Variants in GLI3 observed in about 807,000 individuals in gnomAD.
The protein encoded by GLI3 is transcription activator GLI3.
GLI3 carries 20 observed loss-of-function variants against 100.8 expected under a neutral mutation model. The observed-to-expected ratio is 0.20, with a 90% CI of 0.14 to 0.29. The LOEUF is 0.29. Ranked by LOEUF, GLI3 falls within the 10% of genes least tolerant of loss-of-function variation. The probability of loss-of-function intolerance (pLI) is 1.00; values close to 1 mark genes in which losing one functional copy is unlikely to be tolerated. For missense variants in GLI3, 2,040 were observed against 2,128.5 expected (o/e 0.96, Z 0.82); for synonymous variants, 938 against 860.5 (o/e 1.09, Z -1.58).
intron 3 of GLI3, among the ~76,000 whole-genome samples, chr7:42,119,909 C>T (rs773179050): frequency 7.9e-5 from 12 of 152,076 alleles, no homozygotes; most frequent in Non-Finnish European, 1.5e-5. Context: ...CTTGACAGCC[C>T]AAAACTCCCG....
intron 10 of GLI3, among the ~76,000 whole-genome samples, chr7:41,981,025 A>G (rs1029464733): frequency 2.6e-5 from 4 of 152,224 alleles, no homozygotes; most frequent in South Asian, 2.1e-4. Flanking sequence ...CGCTTCTCCA[A>G]TGAAGCAGCA....
chr7:42,178,896 G>C (rs1192204261), intron 2 of GLI3, among the ~76,000 whole-genome samples: 1 of 152,166 alleles, frequency 6.6e-6, no homozygotes, highest in Non-Finnish European at 1.5e-5. Context: ...AGACTTGACA[G>C]ACATGAGCGA....
intron 10 of GLI3, among the ~76,000 whole-genome samples, chr7:42,022,746 G>A (rs1323925619): frequency 1.3e-5 from 2 of 152,162 alleles, no homozygotes; most frequent in African/African-American, 4.8e-5. Flanking sequence ...GAAGCACTGG[G>A]AAGGGGGTAT....
At chr7:42,232,753 T>C (rs1466185398) in intron 1 of GLI3, among the ~76,000 whole-genome samples, 1 of 152,228 alleles carries the variant, frequency 6.6e-6, no homozygotes, top group Non-Finnish European at 1.5e-5. Flanking sequence ...CAACACAATA[T>C]TGCCTTTCAG....
In GLI3 at chr7:41,972,606, G is replaced by A. The variant is rs762200152; in HGVS notation, c.1834C>T (p.Pro612Ser). The change falls in exon 13 of 15, where the codon CCA becomes TCA. Residue 612 changes from proline (P) to serine (S), a missense_variant. By Grantham distance (74) the Pro-to-Ser change is moderately conservative. Around this residue, in one of 5 missense-constraint regions of GLI3, gnomAD observed 61 missense variants for 150.9 expected, o/e 0.40. Coordinates refer to ENST00000395925, the MANE Select transcript of GLI3 (RefSeq NM_000168.6). This position sits in a 1 kb window ranked among gnomAD's most constrained non-coding sequence, Gnocchi z 4.4. The stretch of plus-strand genomic sequence containing the variant: ...TCTGTGTAACGCTTAGTGCAGCCTG[G>A]GATTTTGCACACATATGGTTTCTGC... ...SNEKPYVCKI[P>S]GCTKRYTDPS... 6.2e-7 allele frequency: 1 copy of A among 1,605,816 alleles called. No homozygotes were observed. Among genetic ancestry groups the A allele is most frequent in the East Asian group, 2.2e-5 (1 of 44,874 alleles).
intron 1 of GLI3, 41 bp from the exon 2 acceptor site, chr7:42,223,336 G>GGA (rs1788524855): frequency 3.5e-6 from 3 of 845,442 alleles, no homozygotes; most frequent in Admixed American, 2.4e-5. Context: ...CAAAATGGTG[G>GGA]AAAAAAAAAA....
Position 42,008,906 on chromosome 7 carries a change from A to G in GLI3, c.1497+14562T>C, listed in dbSNP as rs114991539. 2.6e-3 allele frequency among the ~76,000 whole-genome samples: 398 copies of G among 152,282 alleles called. 2 individuals carry two copies. The highest frequency in any genetic ancestry group is 8.7e-3 in the African/African-American group (362 of 41,560). On this transcript the variant is annotated intron_variant, in intron 10 of 14. Coordinates refer to ENST00000395925, the MANE Select transcript of GLI3 (RefSeq NM_000168.6). ...GCTATTTCATGTTTTTTATTTTTCA[A>G]GATCTCTGAGGATCCTGATTCAGTC... is the stretch of plus-strand genomic sequence containing the variant.
In GLI3 at chr7:42,132,255, T is replaced by TGCCCGCCACCACGCCTGCCCGCCACC. The variant is rs1415967702; in HGVS notation, c.367+15970_367+15971insGGTGGCGGGCAGGCGTGGTGGCGGGC. On this transcript the variant is annotated intron_variant, in intron 3 of 14. Coordinates refer to ENST00000395925, the MANE Select transcript of GLI3 (RefSeq NM_000168.6). ...AGCTGGGACTACAGGCGCCCGCCAC[T>TGCCCGCCACCACGCCTGCCCGCCACC]ACGCCCGGCTAATTTTTTGTATTTT... is the stretch of plus-strand genomic sequence containing the variant. Among the ~76,000 whole-genome samples the TGCCCGCCACCACGCCTGCCCGCCACC allele has an allele frequency of 4.0e-3, 601 of 149,432 alleles. 7 individuals are homozygous for TGCCCGCCACCACGCCTGCCCGCCACC. The highest frequency in any genetic ancestry group is 0.014 in the African/African-American group (569 of 40,258).
intron 10 of GLI3, among the ~76,000 whole-genome samples, chr7:41,982,437 G>A (rs1240636335): frequency 6.6e-6 from 1 of 152,166 alleles, no homozygotes; most frequent in Non-Finnish European, 1.5e-5. Flanking sequence ...GCTGCATTGG[G>A]CCAGGCATGG....
At chr7:42,145,808 T>C (rs1786691165) in intron 3 of GLI3, among the ~76,000 whole-genome samples, 2 of 152,136 alleles carry the variant, frequency 1.3e-5, no homozygotes, top group South Asian at 4.1e-4. Flanking sequence ...TTAATACATT[T>C]GAGGCACTTA....
In GLI3 at chr7:41,966,993, G is replaced by T. The variant is rs1394171107; in HGVS notation, c.2432-352C>A. Among the ~76,000 whole-genome samples the T allele has an allele frequency of 2.0e-5, 3 of 152,216 alleles. No individual in the cohort carries two copies. Among genetic ancestry groups the T allele is most frequent in the Non-Finnish European group, 2.9e-5 (2 of 68,038 alleles). ...CCCAAGCGCTGTGCAAGGACAAAAAGAATCTTGTGATGGTACACAACGCTT... is the reference window on the plus strand; with the variant it reads ...CCCAAGCGCTGTGCAAGGACAAAAATAATCTTGTGATGGTACACAACGCTT... On this transcript the variant is annotated intron_variant, in intron 14 of 14. Coordinates refer to ENST00000395925, the MANE Select transcript of GLI3 (RefSeq NM_000168.6). The surrounding 1 kb of genome is among the most constrained non-coding windows in gnomAD (Gnocchi z 5.8).
At chr7:42,082,885 A>G (rs1360741093) in intron 3 of GLI3, among the ~76,000 whole-genome samples, 2 of 152,166 alleles carry the variant, frequency 1.3e-5, no homozygotes, top group Non-Finnish European at 2.9e-5. Context: ...TTTTGTAAAT[A>G]AAGTTATGTT....
upstream of GLI3, among the ~76,000 whole-genome samples, chr7:42,241,461 G>A (rs953779494): frequency 5.9e-5 from 9 of 152,176 alleles, no homozygotes; most frequent in Admixed American, 3.9e-4. Context: ...GGGAACAAAG[G>A]TAGATCCCTG....
Position 41,972,222 on chromosome 7 carries a change from C to T in GLI3, c.2103+115G>A. The T allele has an allele frequency of 1.0e-6, 1 of 977,974 alleles. No homozygotes were observed. Among genetic ancestry groups the T allele is most frequent in the Non-Finnish European group, 1.7e-6 (1 of 604,484 alleles). The allele number at this position is 977,974 out of a possible 1,614,324, so 60.6% of individuals were successfully genotyped here. On this transcript the variant is annotated intron_variant, in intron 13 of 14. Coordinates refer to ENST00000395925, the MANE Select transcript of GLI3 (RefSeq NM_000168.6). The surrounding 1 kb of genome is among the most constrained non-coding windows in gnomAD (Gnocchi z 4.4). Reference sequence around the variant, plus strand: ...CGGGTCACTGCCCTCATCGCCTCCTCAGATCAGAGACAGCCTGACACAGTG... The same window carrying T: ...CGGGTCACTGCCCTCATCGCCTCCTTAGATCAGAGACAGCCTGACACAGTG...
In GLI3 at chr7:42,197,375, G is replaced by A. The variant is rs990663098; in HGVS notation, c.124+25755C>T. Among the ~76,000 whole-genome samples the A allele has an allele frequency of 9.8e-5, 15 of 152,344 alleles. 1 individual carries two copies. Among genetic ancestry groups the A allele is most frequent in the South Asian group, 4.1e-4 (2 of 4,828 alleles). The stretch of plus-strand genomic sequence containing the variant: ...AAGATGCCCCGGCAGAAGTTACAGA[G>A]TTCTGACACTATGGTCCCTTTCTAG... On this transcript the variant is annotated intron_variant, in intron 2 of 14. Transcript: ENST00000395925.
At chr7:42,216,362 G>A (rs1166181647) in intron 2 of GLI3, among the ~76,000 whole-genome samples, 1 of 152,178 alleles carries the variant, frequency 6.6e-6, no homozygotes, top group East Asian at 1.9e-4. Flanking sequence ...ATAAACTGGT[G>A]GAGCATGAGG....
At chr7:42,194,358 A>G (rs890029789) in intron 2 of GLI3, among the ~76,000 whole-genome samples, 3 of 152,230 alleles carry the variant, frequency 2.0e-5, no homozygotes, top group Non-Finnish European at 4.4e-5. Flanking sequence ...TCAGTTAGCC[A>G]AGCTCCCAGG....
Position 41,965,453 on chromosome 7 carries a change from C to T in GLI3, c.3620G>A (p.Ser1207Asn), listed in dbSNP as rs771236755. 1.4e-4 allele frequency: 225 copies of T among 1,608,414 alleles called. No individual in the cohort carries two copies. Among genetic ancestry groups the T allele is most frequent in the Non-Finnish European group, 1.9e-4 (219 of 1,177,282 alleles). The change falls in exon 15 of 15, where the codon AGC (serine) becomes AAC (asparagine). Residue 1207 changes from serine (S) to asparagine (N), a missense_variant. Ser to Asn is a conservative substitution (Grantham distance 46). Coordinates refer to ENST00000395925, the MANE Select transcript of GLI3 (RefSeq NM_000168.6). ...GGTCTGATAGCCCCCAGCAGGCCCGCTCCTCAAGGGGTTCTGCGGGTGGAC... is the reference window on the plus strand; with the variant it reads ...GGTCTGATAGCCCCCAGCAGGCCCGTTCCTCAAGGGGTTCTGCGGGTGGAC... ...MVVHPQNPLR[S>N]GPAGGYQTLG... is the part of the protein sequence containing the mutation.
upstream of GLI3, among the ~76,000 whole-genome samples, chr7:42,237,358 A>C (rs979213122): frequency 6.6e-6 from 1 of 151,914 alleles, no homozygotes; most frequent in Admixed American, 6.5e-5. Context: ...AGGGAGGGGA[A>C]AGAGAAAGAA....
Sources: allele counts gnomAD v4.1 joint callset (sites outside exome capture counted in the v4.1 genomes callset), GRCh38; gene constraint gnomAD v4.1.1; regional missense constraint gnomAD v4.1.1; non-coding constraint Gnocchi (gnomAD v3.1); transcripts MANE v1.5; gene names NCBI Gene and HGNC (gene_info 2026-07-23, HGNC 2026-07-21).